WWP2: variants seen among roughly 807,000 people sequenced by gnomAD.
WWP2 encodes NEDD4-like E3 ubiquitin-protein ligase WWP2.
A neutral mutation model predicts 121.0 loss-of-function variants in WWP2; 57 were observed. The ratio of observed to expected loss-of-function variants is 0.47; its 90% CI spans 0.38 to 0.59. WWP2 has a LOEUF of 0.59. WWP2 is among the 20% of genes least tolerant of loss of function. The pLI, the probability that WWP2 is intolerant of heterozygous loss-of-function variation, is 0.00. For missense variants in WWP2, 962 were observed against 1,158.9 expected (o/e 0.83, Z 2.47); for synonymous variants, 449 against 441.3 (o/e 1.02, Z -0.22).
chr16:69,834,897 C>T (rs995580852), intron 4 of WWP2, among the ~76,000 whole-genome samples: 2 of 151,856 alleles, frequency 1.3e-5, no homozygotes, highest in Non-Finnish European at 2.9e-5. Flanking sequence ...AAAGAAATTG[C>T]TTATTGTCTG....
At chr16:69,795,470 GTA>G (rs1184370808) in intron 2 of WWP2, among the ~76,000 whole-genome samples, 1 of 152,040 alleles carries the variant, frequency 6.6e-6, no homozygotes, top group Non-Finnish European at 1.5e-5. Flanking sequence ...TCATGGCAAT[GTA>G]TTGGGCAGCA....
intron 6 of WWP2, among the ~76,000 whole-genome samples, chr16:69,848,241 G>A (rs527879710): frequency 4.6e-5 from 7 of 151,812 alleles, no homozygotes; most frequent in South Asian, 2.1e-4. Flanking sequence ...ACCTGAGGTC[G>A]GAAGTTCAAG....
chr16:69,832,401 G>C (rs1213183213), intron 4 of WWP2, among the ~76,000 whole-genome samples: 3 of 151,982 alleles, frequency 2.0e-5, no homozygotes, highest in Non-Finnish European at 4.4e-5. Context: ...TTCTCTAAAA[G>C]ATAAGAACTC....
chr16:69,779,497 T>G (rs1246745161), intron 1 of WWP2, among the ~76,000 whole-genome samples: 1 of 152,244 alleles, frequency 6.6e-6, no homozygotes, highest in Non-Finnish European at 1.5e-5. Context: ...TTGTTCCTTC[T>G]GAGCCTTCTT....
chr16:69,842,572 A>G (rs1307873453), intron 6 of WWP2, among the ~76,000 whole-genome samples: 2 of 152,198 alleles, frequency 1.3e-5, no homozygotes, highest in African/African-American at 2.4e-5. Flanking sequence ...AAATGAGAAC[A>G]TATGGTATTT....
chr16:69,917,971 T>A, intron 10 of WWP2, 88 bp downstream of exon 10: 1 of 1,493,346 alleles, frequency 6.7e-7, no homozygotes, highest in South Asian at 1.3e-5. Flanking sequence ...ACCTGCTTAG[T>A]GAGCAGGGAA....
chr16:69,800,798 CA>C (rs1447299612), intron 4 of WWP2, among the ~76,000 whole-genome samples: 1 of 151,388 alleles, frequency 6.6e-6, no homozygotes, highest in Non-Finnish European at 1.5e-5. Context: ...CTCCTGACCT[CA>C]GGTGATCTGC....
At chr16:69,769,706 A>G (rs940015826) in intron 1 of WWP2, among the ~76,000 whole-genome samples, 9 of 152,212 alleles carry the variant, frequency 5.9e-5, no homozygotes, top group African/African-American at 1.9e-4. Context: ...TCATGTAGTC[A>G]GTACAGTAAT....
At chr16:69,921,326 C>G (rs1382536171) in intron 10 of WWP2, among the ~76,000 whole-genome samples, 1 of 152,224 alleles carries the variant, frequency 6.6e-6, no homozygotes, top group Non-Finnish European at 1.5e-5. Flanking sequence ...CAGAGTTTGA[C>G]TCGGAAGACT....
chr16:69,795,650 T>TTTTG (rs1555546602), intron 2 of WWP2, among the ~76,000 whole-genome samples: 3 of 19,940 alleles, frequency 1.5e-4, no homozygotes, highest in African/African-American at 5.3e-4. Flanking sequence ...AAATAGGAGG[T>TTTTG]TTTTTTTTTT....
chr16:69,940,294 C>G lies in WWP2; in HGVS notation c.*354C>G, dbSNP rs1461340728. On this transcript the variant is annotated 3_prime_UTR_variant, in exon 24 of 24. Coordinates refer to ENST00000359154, the MANE Select transcript of WWP2 (RefSeq NM_001270454.2). ...CATCCCCAGGGGCTGCCGCAGAGGC[C>G]GGAGACCTCCTGGACTAGTTCGGCG... 2.2e-4 allele frequency: 55 copies of G among 244,506 alleles called. No homozygotes were observed. The Admixed American group carries it at 2.7e-3, about 12-fold the overall frequency. The allele number at this position is 244,506 out of a possible 1,614,324, so 15.1% of individuals were successfully genotyped here. A position where few individuals can be genotyped will look rare whatever the true frequency, so the allele number is the denominator to read the frequency against.
At chr16:69,932,067 C>T (rs549281658) in intron 16 of WWP2, among the ~76,000 whole-genome samples, 177 bp downstream of exon 16, 37 of 152,396 alleles carry the variant, frequency 2.4e-4, no homozygotes, top group Non-Finnish European at 5.0e-4. Flanking sequence ...CGGTGGCTCA[C>T]GCCTATAATC....
chr16:69,846,049 CAAAAAAAAAAAA>C (rs57201672), intron 6 of WWP2, among the ~76,000 whole-genome samples: 1 of 45,604 alleles, frequency 2.2e-5, no homozygotes, highest in Non-Finnish European at 3.6e-5. Flanking sequence ...GACTCCATCT[CAAAAAAAAAAAA>C]AAAAAAAAAG....
chr16:69,897,933 A>G (rs2058133205), intron 8 of WWP2, among the ~76,000 whole-genome samples: 1 of 151,762 alleles, frequency 6.6e-6, no homozygotes, highest in African/African-American at 2.4e-5. Context: ...AACAAAACAA[A>G]ACAAAAAAAA....
chr16:69,806,588 C>A (rs1027058843), intron 4 of WWP2, among the ~76,000 whole-genome samples: 1 of 152,084 alleles, frequency 6.6e-6, no homozygotes, highest in Non-Finnish European at 1.5e-5. Flanking sequence ...TTTTCCCCCC[C>A]ATAATTACTG....
At chr16:69,897,944 C>A (rs2058133524) in intron 8 of WWP2, among the ~76,000 whole-genome samples, 1 of 151,828 alleles carries the variant, frequency 6.6e-6, no homozygotes, top group African/African-American at 2.4e-5. Context: ...ACAAAAAAAA[C>A]ACAATGAAAC....
chr16:69,859,336 T>G (rs2057374762), intron 6 of WWP2, among the ~76,000 whole-genome samples: 1 of 152,126 alleles, frequency 6.6e-6, no homozygotes, highest in Non-Finnish European at 1.5e-5. Flanking sequence ...GCAGATGGCT[T>G]GAGTACAGGA....
intron 10 of WWP2, among the ~76,000 whole-genome samples, chr16:69,924,068 A>C (rs1293569369): frequency 6.6e-6 from 1 of 152,224 alleles, no homozygotes; most frequent in African/African-American, 2.4e-5. Context: ...GTGCACTTGC[A>C]TTCTGTGTGG....
intron 9 of WWP2, chr16:69,909,132 G>A: frequency 9.0e-7 from 1 of 1,105,258 alleles, no homozygotes; most frequent in South Asian, 3.8e-5. Context: ...GTCCCTAAAG[G>A]CAGAGTGCTT....
Sources: allele counts gnomAD v4.1 joint callset (sites outside exome capture counted in the v4.1 genomes callset), GRCh38; gene constraint gnomAD v4.1.1; transcripts MANE v1.5; gene names NCBI Gene and HGNC (gene_info 2026-07-23, HGNC 2026-07-21).